The following ASCC3 variants were observed in gnomAD, a reference collection of about 807,000 sequenced individuals.
ASCC3 encodes activating signal cointegrator 1 complex subunit 3.
A neutral mutation model predicts 256.3 loss-of-function variants in ASCC3; 158 were observed. The observed-to-expected ratio is 0.62, with a 90% confidence interval of 0.54 to 0.70. The LOEUF (loss-of-function observed/expected upper bound fraction) is 0.70. Ranked by LOEUF, ASCC3 falls within the 30% of genes least tolerant of loss-of-function variation. The probability of loss-of-function intolerance (pLI) is 0.00; values close to 1 mark genes in which losing one functional copy is unlikely to be tolerated. For missense variants in ASCC3, 2,259 were observed against 2,626.0 expected (o/e 0.86, Z 3.05); for synonymous variants, 948 against 883.4 (o/e 1.07, Z -1.30).
Position 100,718,088 on chromosome 6 carries a change from T to A in ASCC3, c.2066A>T (p.Lys689Ile), listed in dbSNP as rs1779167932. ...VPLGQTFLGI[K>I]CANKMQQLNN... ...ATGAGTATTTACCTTATTTGCACAT[T>A]TAATCCCCAAAAATGTCTGTCCAAG... Residue 689 changes from lysine (K) to isoleucine (I), a missense_variant, in exon 12 of 42, where the codon AAA (lysine) becomes ATA (isoleucine). Lys to Ile is a moderately radical substitution (Grantham distance 102). This residue lies in a region of ASCC3 where 1,839 missense variants were observed against 2,206.7 expected (regional missense o/e 0.83). Transcript: ENST00000369162. 1 of 1,613,256 alleles carries A rather than the reference T, an allele frequency of 6.2e-7. No individual in the cohort carries two copies. The highest frequency in any genetic ancestry group is 1.3e-5 in the African/African-American group (1 of 74,874).
intron 4 of ASCC3, among the ~76,000 whole-genome samples, chr6:100,828,060 A>C (rs1177005192): frequency 7.0e-6 from 1 of 142,194 alleles, no homozygotes; most frequent in Non-Finnish European, 1.5e-5. Flanking sequence ...CAATTTAACC[A>C]CTTGGATATC....
At chr6:100,779,393 C>A (rs1270540234) in intron 8 of ASCC3, among the ~76,000 whole-genome samples, 17 of 151,962 alleles carry the variant, frequency 1.1e-4, no homozygotes. Flanking sequence ...ATGCCTGGCT[C>A]CAAAATTATA....
intron 17 of ASCC3, among the ~76,000 whole-genome samples, chr6:100,655,023 T>C (rs182863172): frequency 5.3e-5 from 8 of 152,084 alleles, no homozygotes; most frequent in African/African-American, 1.7e-4. Context: ...ATCCATATGA[T>C]CATTGTAGAA....
intron 14 of ASCC3, among the ~76,000 whole-genome samples, chr6:100,663,216 G>A (rs548779549): frequency 3.9e-5 from 6 of 152,066 alleles, no homozygotes; most frequent in Admixed American, 1.3e-4. Context: ...AACTATAGAT[G>A]TGCATTGAGT....
intron 36 of ASCC3, among the ~76,000 whole-genome samples, chr6:100,566,793 C>A (rs1450673736): frequency 6.6e-6 from 1 of 151,940 alleles, no homozygotes; most frequent in African/African-American, 2.4e-5. Flanking sequence ...AAATTGATTC[C>A]ATGCCATCCC....
chr6:100,554,694 T>C (rs1769480096), intron 36 of ASCC3, among the ~76,000 whole-genome samples: 1 of 152,142 alleles, frequency 6.6e-6, no homozygotes, highest in South Asian at 2.1e-4. Context: ...TTCAGTAAAT[T>C]TCCCTGATAG....
At chr6:100,520,824 A>T (rs1774266209) in intron 37 of ASCC3, among the ~76,000 whole-genome samples, 1 of 152,182 alleles carries the variant, frequency 6.6e-6, no homozygotes, top group Non-Finnish European at 1.5e-5. Flanking sequence ...TTCACACATG[A>T]AGAAATTGCC....
intron 10 of ASCC3, among the ~76,000 whole-genome samples, chr6:100,739,059 A>G (rs1296246137): frequency 6.6e-6 from 1 of 152,204 alleles, no homozygotes; most frequent in Non-Finnish European, 1.5e-5. Context: ...CCAATTCAGT[A>G]TGATATTGGC....
intron 10 of ASCC3, among the ~76,000 whole-genome samples, chr6:100,753,609 C>A (rs1178023363): frequency 6.6e-6 from 1 of 151,862 alleles, no homozygotes; most frequent in Admixed American, 6.6e-5. Context: ...AATTCCCGGG[C>A]TTAAGTGATC....
At chr6:100,692,220 C>A (rs1167599039) in intron 13 of ASCC3, among the ~76,000 whole-genome samples, 1 of 152,014 alleles carries the variant, frequency 6.6e-6, no homozygotes, top group Non-Finnish European at 1.5e-5. Flanking sequence ...CTTTCTCTTT[C>A]TTGAACTAAA....
intron 3 of ASCC3, chr6:100,856,856 T>A (rs1280386131): frequency 6.6e-6 from 1 of 152,164 alleles, no homozygotes; most frequent in Non-Finnish European, 1.5e-5. Flanking sequence ...ATGAACTGGG[T>A]TGTTTCTACA....
chr6:100,717,189 T>C (rs1779125788), intron 12 of ASCC3, among the ~76,000 whole-genome samples: 2 of 152,118 alleles, frequency 1.3e-5, no homozygotes, highest in Admixed American at 6.5e-5. Context: ...TGTTGTATTA[T>C]GGTAACAGTC....
intron 10 of ASCC3, among the ~76,000 whole-genome samples, chr6:100,742,032 C>T (rs1379225061): frequency 2.0e-5 from 3 of 152,124 alleles, no homozygotes; most frequent in Admixed American, 2.0e-4. Flanking sequence ...TTGCTGATCT[C>T]TGACTGGGGT....
chr6:100,775,214 A>C (rs545730604), intron 8 of ASCC3, among the ~76,000 whole-genome samples: 2 of 152,338 alleles, frequency 1.3e-5, no homozygotes, highest in Non-Finnish European at 2.9e-5. Flanking sequence ...AGCATGTTAT[A>C]GTTCTATTTG....
chr6:100,728,583 T>C (rs554734845), intron 10 of ASCC3, among the ~76,000 whole-genome samples: 24 of 151,586 alleles, frequency 1.6e-4, no homozygotes, highest in African/African-American at 5.6e-4. Flanking sequence ...TACTCCAAAA[T>C]CAAAAACAAA....
At position 100,608,090 on chromosome 6, in the gene ASCC3, C is replaced by CGA. The variant is rs1562160992; in HGVS notation, c.4786-1003_4786-1002insTC. 7.5e-4 allele frequency among the ~76,000 whole-genome samples: 54 copies of CGA among 71,620 alleles called. 2 individuals carry two copies. Among genetic ancestry groups the CGA allele is most frequent in the African/African-American group, 2.2e-3 (42 of 19,346 alleles). The allele number at this position is 71,620 out of a possible 152,430, so 47.0% of individuals were successfully genotyped here. A position where few individuals can be genotyped will look rare whatever the true frequency, so the allele number is the denominator to read the frequency against. ...TATATACATATATATGTATATATATCTATATACACATATATATGTATATAT... is the reference window on the plus strand; with the variant it reads ...TATATACATATATATGTATATATATCGATATATACACATATATATGTATATAT... On this transcript the variant is annotated intron_variant, in intron 30 of 41. Transcript: ENST00000369162.
intron 8 of ASCC3, among the ~76,000 whole-genome samples, chr6:100,796,256 G>A (rs1046929478): frequency 1.3e-5 from 2 of 152,118 alleles, no homozygotes; most frequent in African/African-American, 4.8e-5. Context: ...TGTGTTAAAT[G>A]GTACAGTCAC....
chr6:100,619,299 T>C (rs994734501), intron 30 of ASCC3, among the ~76,000 whole-genome samples: 3 of 152,210 alleles, frequency 2.0e-5, no homozygotes, highest in Non-Finnish European at 4.4e-5. Context: ...AACAGCCACA[T>C]GACCACTTCA....
At chr6:100,528,536 GAAGA>G (rs1246216091) in intron 37 of ASCC3, among the ~76,000 whole-genome samples, 7 of 152,246 alleles carry the variant, frequency 4.6e-5, no homozygotes, top group Non-Finnish European at 1.0e-4. Flanking sequence ...ATGCGAAAGA[GAAGA>G]AAGACTGGAA....
Sources: allele counts gnomAD v4.1 joint callset (sites outside exome capture counted in the v4.1 genomes callset), GRCh38; gene constraint gnomAD v4.1.1; regional missense constraint gnomAD v4.1.1; transcripts MANE v1.5; gene names NCBI Gene and HGNC (gene_info 2026-07-23, HGNC 2026-07-21).